Variants in DIAPH3 observed in about 807,000 individuals in gnomAD.
DIAPH3 encodes the protein protein diaphanous homolog 3.
A neutral mutation model predicts 144.3 loss-of-function variants in DIAPH3; 117 were observed. The ratio of observed to expected loss-of-function variants is 0.81; its 90% CI spans 0.70 to 0.95. DIAPH3 has a LOEUF of 0.95. Ranked by LOEUF, DIAPH3 falls within the 40% of genes least tolerant of loss-of-function variation. The probability of loss-of-function intolerance (pLI) is 0.00; values close to 1 mark genes in which losing one functional copy is unlikely to be tolerated. For synonymous variants in DIAPH3, 519 were observed against 488.9 expected (o/e 1.06, Z -0.81); for missense variants, 1,421 against 1,412.7 (o/e 1.01, Z -0.09).
intron 23 of DIAPH3, among the ~76,000 whole-genome samples, chr13:59,836,468 T>C (rs1227946338): frequency 6.6e-6 from 1 of 151,820 alleles, no homozygotes; most frequent in Non-Finnish European, 1.5e-5. Flanking sequence ...GTAATAATTA[T>C]TACTAAAATG....
intron 27 of DIAPH3, among the ~76,000 whole-genome samples, chr13:59,725,654 G>C (rs996462214): frequency 6.6e-6 from 1 of 152,106 alleles, no homozygotes; most frequent in Non-Finnish European, 1.5e-5. Context: ...GTGCTTTTTA[G>C]TTACAACAGT....
chr13:60,160,219 G>A lies in DIAPH3; in HGVS notation c.180+3368C>T, dbSNP rs146926242. ...AGCCTGGGCGACAGAGCAAGACTCC[G>A]TCTCAAAAAAAGAAAAAAAAGAAAA... On this transcript the variant is annotated intron_variant, in intron 1 of 27. Transcript: ENST00000400324. 1.3e-3 allele frequency among the ~76,000 whole-genome samples: 194 copies of A among 151,946 alleles called. 3 individuals carry two copies. The South Asian group carries it at 0.015, about 12-fold the overall frequency.
At chr13:59,938,014 G>C (rs1278788492) in intron 17 of DIAPH3, among the ~76,000 whole-genome samples, 2 of 151,996 alleles carry the variant, frequency 1.3e-5, no homozygotes, top group Non-Finnish European at 2.9e-5. Context: ...TCTTGTTTTT[G>C]ATAGCTCAGT....
At chr13:59,919,858 T>C (rs1485360444) in intron 18 of DIAPH3, among the ~76,000 whole-genome samples, 1 of 152,022 alleles carries the variant, frequency 6.6e-6, no homozygotes, top group African/African-American at 2.4e-5. Flanking sequence ...CAATAAATTG[T>C]TAAGGAATAT....
chr13:59,762,497 T>G (rs1230676389), intron 27 of DIAPH3, among the ~76,000 whole-genome samples: 1 of 152,190 alleles, frequency 6.6e-6, no homozygotes, highest in Non-Finnish European at 1.5e-5. Context: ...CATTTTAAAG[T>G]CTGGTTACAA....
chr13:59,896,330 G>A (rs930834016), intron 20 of DIAPH3, among the ~76,000 whole-genome samples: 1 of 152,094 alleles, frequency 6.6e-6, no homozygotes, highest in East Asian at 1.9e-4. Flanking sequence ...TGGCTCATTT[G>A]ATGCGATATT....
intron 24 of DIAPH3, among the ~76,000 whole-genome samples, chr13:59,818,592 G>A (rs1396270410): frequency 1.3e-5 from 2 of 151,608 alleles, no homozygotes; most frequent in Non-Finnish European, 3.0e-5. Flanking sequence ...ATGGATTGCT[G>A]ATCTGGAAAA....
intron 27 of DIAPH3, among the ~76,000 whole-genome samples, chr13:59,720,532 T>C (rs1378229947): frequency 1.3e-5 from 2 of 152,130 alleles, no homozygotes; most frequent in Admixed American, 1.3e-4. Context: ...AAACCGAGAA[T>C]TTTATCAGGA....
intron 27 of DIAPH3, among the ~76,000 whole-genome samples, chr13:59,693,917 T>A (rs1334907583): frequency 6.6e-6 from 1 of 152,186 alleles, no homozygotes; most frequent in African/African-American, 2.4e-5. Flanking sequence ...ATGTTTAGTA[T>A]ACAACCTTCT....
chr13:60,037,438 A>C (rs1201559130), intron 5 of DIAPH3, among the ~76,000 whole-genome samples: 1 of 152,070 alleles, frequency 6.6e-6, no homozygotes, highest in Non-Finnish European at 1.5e-5. Context: ...AAGATTTTAA[A>C]GTATTCTTTG....
intron 27 of DIAPH3, among the ~76,000 whole-genome samples, chr13:59,704,467 A>G (rs987648544): frequency 6.6e-6 from 1 of 152,214 alleles, no homozygotes; most frequent in Non-Finnish European, 1.5e-5. Context: ...CCTCATACAG[A>G]AGCAGAAGCT....
chr13:60,160,488 C>T (rs1197329590), intron 1 of DIAPH3, among the ~76,000 whole-genome samples: 1 of 152,184 alleles, frequency 6.6e-6, no homozygotes, highest in Non-Finnish European at 1.5e-5. Context: ...GCTCTGCCAC[C>T]ACTACCTGTG....
intron 27 of DIAPH3, among the ~76,000 whole-genome samples, chr13:59,722,197 G>C (rs941126695): frequency 3.9e-5 from 6 of 152,182 alleles, no homozygotes; most frequent in Non-Finnish European, 5.9e-5. Context: ...AAATAATAAT[G>C]ATTTAACCTA....
intron 7 of DIAPH3, among the ~76,000 whole-genome samples, chr13:60,014,760 C>G (rs892939405): frequency 2.6e-5 from 4 of 151,916 alleles, no homozygotes; most frequent in South Asian, 2.1e-4. Flanking sequence ...GTAAAATTTC[C>G]CCCCCTGCTG....
At chr13:59,700,414 T>C (rs1199673457) in intron 27 of DIAPH3, among the ~76,000 whole-genome samples, 1 of 152,156 alleles carries the variant, frequency 6.6e-6, no homozygotes. Flanking sequence ...ACAGTGATAT[T>C]TTTTCTGACA....
rs752317592 is a variant in DIAPH3, at chr13:59,992,090, C to T, written c.1222G>A (p.Glu408Lys). ...EDLFELSHRL[E>K]DIRAELDEAY... ...TATTCAAGTTCAGCTCTAATATCTT[C>T]AAGGCGATGGGATAACTCAAACAAA... The change falls in exon 11 of 28, where the codon GAA becomes AAA. Residue 408 changes from glutamate to lysine, a missense_variant. Coordinates refer to ENST00000400324, the MANE Select transcript of DIAPH3 (RefSeq NM_001042517.2). 1.9e-6 allele frequency: 3 copies of T among 1,611,610 alleles called. No individual in the cohort carries two copies. The African/African-American group carries it at 4.0e-5, about 22-fold the overall frequency.
In DIAPH3 at chr13:59,871,391, T is replaced by A. The variant is rs79948090; in HGVS notation, c.2607+7838A>T. Among the ~76,000 whole-genome samples, 522 of 152,270 alleles carry A rather than the reference T, an allele frequency of 3.4e-3. 3 individuals carry two copies. Among genetic ancestry groups the A allele is most frequent in the African/African-American group, 0.012 (489 of 41,552 alleles). On this transcript the variant is annotated intron_variant, in intron 21 of 27. Coordinates refer to ENST00000400324, the MANE Select transcript of DIAPH3 (RefSeq NM_001042517.2). Reference sequence around the variant, plus strand: ...TGCTTCCAGTTTTAGGGAAAAAGCATCTTGTTCCTTACCATTAAGTATGAT... The same window carrying A: ...TGCTTCCAGTTTTAGGGAAAAAGCAACTTGTTCCTTACCATTAAGTATGAT...
intron 4 of DIAPH3, among the ~76,000 whole-genome samples, chr13:60,064,613 G>A (rs2056887861): frequency 6.6e-6 from 1 of 152,184 alleles, no homozygotes; most frequent in Admixed American, 6.5e-5. Flanking sequence ...AGAGAATGTT[G>A]TAGCTAGTTT....
chr13:59,789,708 C>A (rs1040160410), intron 25 of DIAPH3, among the ~76,000 whole-genome samples: 2 of 152,024 alleles, frequency 1.3e-5, no homozygotes, highest in African/African-American at 2.4e-5. Context: ...GCATATGGTG[C>A]GCACTGGAAG....
Sources: gnomAD v4.1 joint callset for allele counts (sites outside exome capture counted in the v4.1 genomes callset) on GRCh38, gnomAD v4.1.1 for gene constraint, MANE v1.5 for transcripts, NCBI Gene and HGNC (gene_info 2026-07-23, HGNC 2026-07-21) for gene names.